Variants in NCKAP5 observed in about 807,000 individuals in gnomAD.
NCKAP5 encodes NCK associated protein 5, also known as nck-associated protein 5.
A neutral mutation model predicts 167.0 loss-of-function variants in NCKAP5; 92 were observed. The observed-to-expected ratio is 0.55, with a 90% CI of 0.47 to 0.66. The LOEUF (loss-of-function observed/expected upper bound fraction) is 0.66. NCKAP5 is among the 30% of genes least tolerant of loss of function. NCKAP5 has a pLI of 0.00. For synonymous variants in NCKAP5, 891 were observed against 877.4 expected, an observed-to-expected ratio of 1.02 and a Z score of -0.27; for missense variants, 2,378 against 2,315.0, an observed-to-expected ratio of 1.03 and a Z score of -0.56.
intron 10 of NCKAP5, among the ~76,000 whole-genome samples, chr2:132,868,202 C>T (rs1690509253): frequency 6.6e-6 from 1 of 151,986 alleles, no homozygotes; most frequent in Non-Finnish European, 1.5e-5. Flanking sequence ...TCAAAGTAAA[C>T]AAAATCTGAG....
intron 7 of NCKAP5, among the ~76,000 whole-genome samples, chr2:132,982,155 GATAATAT>G (rs2077160357): frequency 6.6e-6 from 1 of 152,238 alleles, no homozygotes; most frequent in African/African-American, 2.4e-5. Context: ...GTATAATAAT[GATAATAT>G]CTACTGTTTA....
intron 19 of NCKAP5, among the ~76,000 whole-genome samples, chr2:132,720,991 G>C (rs1322761801): frequency 6.9e-6 from 1 of 145,216 alleles, no homozygotes; most frequent in African/African-American, 2.6e-5. Context: ...ATCCAGCCTA[G>C]GTACACAGTG....
intron 8 of NCKAP5, among the ~76,000 whole-genome samples, chr2:132,879,395 T>C (rs1186222013): frequency 1.3e-5 from 2 of 152,220 alleles, no homozygotes; most frequent in East Asian, 3.8e-4. Context: ...ATGACTTACG[T>C]ACATAAGATA....
At chr2:133,539,172 C>T (rs1482971551) in intron 2 of NCKAP5, among the ~76,000 whole-genome samples, 1 of 151,992 alleles carries the variant, frequency 6.6e-6, no homozygotes, top group Admixed American at 6.6e-5. Flanking sequence ...GGTCTCCTGA[C>T]CTCATGATCC....
chr2:133,272,691 A>C (rs972798909), intron 4 of NCKAP5, among the ~76,000 whole-genome samples: 1 of 152,160 alleles, frequency 6.6e-6, no homozygotes, highest in African/African-American at 2.4e-5. Context: ...ATTTACCCCC[A>C]AAAAGTACCT....
intron 11 of NCKAP5, among the ~76,000 whole-genome samples, chr2:132,850,959 C>T (rs77738374): frequency 0.057 from 8,733 of 152,068 alleles, 362 homozygotes; most frequent in East Asian, 0.2. Flanking sequence ...AGGGCAATGT[C>T]CGTCATTCCA....
At chr2:133,046,551 T>A (rs1397701177) in intron 6 of NCKAP5, among the ~76,000 whole-genome samples, 1 of 151,984 alleles carries the variant, frequency 6.6e-6, no homozygotes, top group Non-Finnish European at 1.5e-5. Context: ...GTTAATTTTT[T>A]AATTTTTTAT....
At chr2:133,164,041 A>C (rs1158303216) in intron 5 of NCKAP5, among the ~76,000 whole-genome samples, 1 of 152,358 alleles carries the variant, frequency 6.6e-6, no homozygotes, top group Non-Finnish European at 1.5e-5. Context: ...CAGAAAACAG[A>C]CAATATAAAG....
chr2:133,436,864 T>C (rs867328126), intron 3 of NCKAP5, among the ~76,000 whole-genome samples: 3 of 152,188 alleles, frequency 2.0e-5, no homozygotes, highest in Middle Eastern at 3.4e-3. Context: ...GCATGTATGG[T>C]TTATACCTGC....
At chr2:133,597,965 G>A in the NCKAP5 span, among the ~76,000 whole-genome samples, 6 of 152,242 alleles carry the variant, frequency 3.9e-5, no homozygotes, top group Admixed American at 6.5e-5. Context: ...CATAAAAACC[G>A]GCATGGGTAT....
intron 8 of NCKAP5, among the ~76,000 whole-genome samples, chr2:132,881,844 C>T (rs1250680001): frequency 6.6e-6 from 1 of 152,164 alleles, no homozygotes; most frequent in African/African-American, 2.4e-5. Flanking sequence ...TACTTTGAGG[C>T]TATGAAAATA....
intron 16 of NCKAP5, among the ~76,000 whole-genome samples, chr2:132,771,839 A>ATTTTTTTTTTTTT (rs70973406): frequency 1.0e-3 from 101 of 100,762 alleles, no homozygotes; most frequent in Non-Finnish European, 1.3e-3. Flanking sequence ...CGCCCGGCTA[A>ATTTTTTTTTTTTT]TTTTTTTTTT....
At chr2:132,927,274 A>G (rs1362149838) in intron 8 of NCKAP5, among the ~76,000 whole-genome samples, 7 of 152,086 alleles carry the variant, frequency 4.6e-5, no homozygotes, top group African/African-American at 1.4e-4. Context: ...TTATTGCCTC[A>G]AAGTATAATT....
chr2:133,083,378 T>A (rs1230776576), intron 6 of NCKAP5, among the ~76,000 whole-genome samples: 1 of 152,098 alleles, frequency 6.6e-6, no homozygotes, highest in Non-Finnish European at 1.5e-5. Context: ...TGGACAGCAA[T>A]GGAACTGGAG....
chr2:133,514,892 C>T (rs980341935), intron 3 of NCKAP5, among the ~76,000 whole-genome samples: 6 of 151,798 alleles, frequency 4.0e-5, no homozygotes, highest in African/African-American at 7.3e-5. Context: ...AGTGAGGAGA[C>T]GAGATAACCG....
intron 4 of NCKAP5, among the ~76,000 whole-genome samples, chr2:133,228,038 A>G (rs148955111): frequency 3.9e-5 from 6 of 152,272 alleles, no homozygotes; most frequent in African/African-American, 7.2e-5. Flanking sequence ...TTTCTATTCC[A>G]TCAGTTCCAC....
chr2:133,349,266 C>G (rs1684187907), intron 3 of NCKAP5, among the ~76,000 whole-genome samples: 1 of 152,232 alleles, frequency 6.6e-6, no homozygotes, highest in South Asian at 2.1e-4. Flanking sequence ...TTTCCAGCCA[C>G]TACCCTGGCT....
intron 19 of NCKAP5, among the ~76,000 whole-genome samples, chr2:132,685,049 C>A (rs1305626733): frequency 6.6e-6 from 1 of 152,150 alleles, no homozygotes; most frequent in African/African-American, 2.4e-5. Flanking sequence ...TAAAGTGTAA[C>A]CTTTCATATA....
chr2:133,023,819 T>G (rs569458577), intron 6 of NCKAP5, among the ~76,000 whole-genome samples: 4 of 152,326 alleles, frequency 2.6e-5, no homozygotes, highest in Non-Finnish European at 4.4e-5. Flanking sequence ...ATGGTATATA[T>G]GTACCACATT....
Sources: allele counts gnomAD v4.1 joint callset (sites outside exome capture counted in the v4.1 genomes callset), GRCh38; gene constraint gnomAD v4.1.1; transcripts MANE v1.5; gene names NCBI Gene and HGNC (gene_info 2026-07-23, HGNC 2026-07-21).